Variants in SLCO1C1 observed in about 807,000 individuals in gnomAD.
The protein encoded by SLCO1C1 is OAT-RP-5.
A neutral mutation model predicts 76.4 loss-of-function variants in SLCO1C1; 70 were observed. The ratio of observed to expected loss-of-function variants is 0.92; its 90% CI spans 0.76 to 1.12. The LOEUF (loss-of-function observed/expected upper bound fraction) is 1.12, where lower values mean the gene tolerates loss of function less well. SLCO1C1 is among the 50% of genes most tolerant of loss of function. The pLI, the probability that SLCO1C1 is intolerant of heterozygous loss-of-function variation, is 0.00. For missense variants in SLCO1C1, 912 were observed against 823.8 expected (o/e 1.11, Z -1.31); for synonymous variants, 306 against 286.1 (o/e 1.07, Z -0.70).
At chr12:20,711,265 A>G in intron 4 of SLCO1C1, 121 bp from the exon 5 acceptor site, 3 of 1,129,950 alleles carry the variant, frequency 2.7e-6, no homozygotes, top group Non-Finnish European at 3.7e-6. Flanking sequence ...GATTTGGTGA[A>G]TTAGGTTCAG....
intron 12 of SLCO1C1, among the ~76,000 whole-genome samples, chr12:20,742,937 A>C (rs1592327058): frequency 6.6e-6 from 1 of 152,206 alleles, no homozygotes; most frequent in South Asian, 2.1e-4. Context: ...AAAGCCATAA[A>C]AATTTTTTGG....
intron 9 of SLCO1C1, among the ~76,000 whole-genome samples, chr12:20,731,930 T>C (rs7139248): frequency 0.26 from 39,258 of 152,066 alleles, 5,806 homozygotes; most frequent in African/African-American, 0.39. Flanking sequence ...GTTACCTCAA[T>C]AATGCTATTA....
intron 5 of SLCO1C1, among the ~76,000 whole-genome samples, chr12:20,713,548 C>G (rs1442811339): frequency 6.6e-6 from 1 of 152,166 alleles, no homozygotes; most frequent in African/African-American, 2.4e-5. Flanking sequence ...ATTTCCCTTC[C>G]TTCAGGTGAG....
chr12:20,712,771 G>A (rs1260910401), intron 5 of SLCO1C1, among the ~76,000 whole-genome samples: 1 of 152,066 alleles, frequency 6.6e-6, no homozygotes, highest in Non-Finnish European at 1.5e-5. Context: ...AATGAAGGGA[G>A]GGGCCAAAGG....
chr12:20,723,221 G>A lies in SLCO1C1; in HGVS notation c.1153G>A (p.Gly385Arg). 1.2e-6 allele frequency: 2 copies of A among 1,613,906 alleles called. No homozygotes were observed. Among genetic ancestry groups the A allele is most frequent in the Non-Finnish European group, 1.7e-6 (2 of 1,179,956 alleles). ...ACCAAAGTACATTGAGCAGCAGTAT[G>A]GACAGTCATCCTCCAGGGCCAACTT... ...YKPKYIEQQY[G>R]QSSSRANFVI... is the part of the protein sequence containing the mutation. Residue 385 changes from glycine (G) to arginine (R), a missense_variant, in exon 9 of 15, where the codon GGA (glycine) becomes AGA (arginine). Transcript: ENST00000266509.
At chr12:20,729,184 T>C (rs1948160774) in intron 9 of SLCO1C1, among the ~76,000 whole-genome samples, 1 of 152,086 alleles carries the variant, frequency 6.6e-6, no homozygotes, top group East Asian at 1.9e-4. Context: ...ACATCTTATA[T>C]GATGTGAAGG....
At chr12:20,699,791 G>A in intron 2 of SLCO1C1, 86 bp downstream of exon 2, 4 of 1,280,076 alleles carry the variant, frequency 3.1e-6, no homozygotes, top group African/African-American at 1.6e-5. Flanking sequence ...AATGAGAATT[G>A]TTTTCTCCTT....
intron 1 of SLCO1C1, among the ~76,000 whole-genome samples, chr12:20,696,270 G>T (rs1399722764): frequency 6.6e-6 from 1 of 152,088 alleles, no homozygotes; most frequent in African/African-American, 2.4e-5. Context: ...TAGTTTGTCT[G>T]AAGGGAGGCA....
At chr12:20,704,696 G>A (rs1040060649) in intron 3 of SLCO1C1, among the ~76,000 whole-genome samples, 1 of 146,678 alleles carries the variant, frequency 6.8e-6, no homozygotes, top group Non-Finnish European at 1.5e-5. Context: ...CTGGCAATGT[G>A]CGTGAACAGT....
chr12:20,711,545 T>A (rs751989651), intron 5 of SLCO1C1, 35 bp downstream of exon 5: 2 of 1,600,822 alleles, frequency 1.2e-6, no homozygotes, highest in Admixed American at 3.5e-5. Context: ...TAAACAAGCT[T>A]TTAAAAAAAA....
At chr12:20,724,451 A>ATGTG (rs1376125062) in intron 9 of SLCO1C1, among the ~76,000 whole-genome samples, 188 of 75,348 alleles carry the variant, frequency 2.5e-3, no homozygotes, top group African/African-American at 6.9e-3. Context: ...ATATATATAT[A>ATGTG]TGTGTGTGTG....
rs756332908 is a variant in SLCO1C1, at chr12:20,732,954, G to C, written c.1232G>C (p.Gly411Ala). 6.2e-7 allele frequency: 1 copy of C among 1,613,898 alleles called. No individual in the cohort carries two copies. The highest frequency in any genetic ancestry group is 2.2e-5 in the East Asian group (1 of 44,852). ...GTGGCCCTTGGAATATTCTCTGGGG[G>C]GATAGTTATGAAAAAATTCAGAATC... The part of the protein sequence containing the change: ...PAVALGIFSG[G>A]IVMKKFRISV... Residue 411 changes from glycine (G) to alanine (A), a missense_variant, in exon 10 of 15, where the codon GGG becomes GCG. Physicochemically the swap from Gly to Ala is moderately conservative, Grantham distance 60 (BLOSUM62 0). Transcript: ENST00000266509.
In SLCO1C1 at chr12:20,737,262, GA is replaced by G. The variant is rs1248990770; in HGVS notation, c.1544del (p.Asn515IlefsTer23). On this transcript the variant is annotated frameshift_variant, in exon 11 of 15. Transcript: ENST00000266509. LOFTEE classifies it high-confidence loss of function. Reference protein sequence around the residue: ...LAGCQTSNRSGKNIIFYNCTC... With the variant: ...LAGCQTSNRSXKNIIFYNCTC... ...GGTTGTCAAACCTCCAACAGGAGTG[GA>G]AAAAATATTGTAAGAAATCACCTCT... is the stretch of plus-strand genomic sequence containing the variant. 3.2e-6 allele frequency: 5 copies of G among 1,555,044 alleles called. No homozygotes were observed. The highest frequency in any genetic ancestry group is 3.4e-6 in the Non-Finnish European group (4 of 1,159,642).
intron 3 of SLCO1C1, among the ~76,000 whole-genome samples, chr12:20,701,845 C>G (rs1025882775): frequency 6.6e-6 from 1 of 151,950 alleles, no homozygotes; most frequent in African/African-American, 2.4e-5. Context: ...TGGAATAATC[C>G]AAATGCGCTC....
In SLCO1C1 at chr12:20,710,392, A is replaced by C. The variant is rs1947029717; in HGVS notation, c.405-994A>C. The stretch of plus-strand genomic sequence containing the variant: ...GCCAATGCATATTCCTGTGATTACT[A>C]GCCTTTGGCCAAATAGTGCCTGAAT... On this transcript the variant is annotated intron_variant, in intron 4 of 14. Coordinates refer to ENST00000266509, the MANE Select transcript of SLCO1C1 (RefSeq NM_017435.5). Among the ~76,000 whole-genome samples, 3 of 151,712 alleles carry C rather than the reference A, an allele frequency of 2.0e-5. No individual in the cohort carries two copies. In the South Asian group the frequency reaches 6.2e-4, roughly 32 times the overall value.
intron 9 of SLCO1C1, among the ~76,000 whole-genome samples, chr12:20,731,323 A>T (rs1948252776): frequency 2.0e-5 from 3 of 152,324 alleles, no homozygotes; most frequent in Middle Eastern, 3.4e-3. Flanking sequence ...CAAGCCAAAG[A>T]CCATTGTATG....
At chr12:20,731,454 C>T (rs1053536095) in intron 9 of SLCO1C1, among the ~76,000 whole-genome samples, 2 of 152,186 alleles carry the variant, frequency 1.3e-5, no homozygotes, top group African/African-American at 4.8e-5. Context: ...TCAGTGTTTT[C>T]ATTTTTATTT....
At chr12:20,727,441 T>C (rs1948069823) in intron 9 of SLCO1C1, among the ~76,000 whole-genome samples, 1 of 152,254 alleles carries the variant, frequency 6.6e-6, no homozygotes, top group Non-Finnish European at 1.5e-5. Flanking sequence ...TTTGCATTTC[T>C]GTGATGATTA....
rs542115889 is a variant in SLCO1C1, at chr12:20,743,705, G to C, written c.1798+336G>C. 8.6e-5 allele frequency among the ~76,000 whole-genome samples: 12 copies of C among 139,236 alleles called. No individual in the cohort carries two copies. In the East Asian group the frequency reaches 2.2e-3, roughly 26 times the overall value. 91.3% of individuals were successfully genotyped at this position (139,236 alleles called of 152,430 possible). On this transcript the variant is annotated intron_variant, in intron 13 of 14. Transcript: ENST00000266509. ...CAAGAGAGCTCTCAGAAATTAATAA[G>C]TAAGAAAGGCTGAAGCCTAAATATA...
Sources: gnomAD v4.1 joint callset for allele counts (sites outside exome capture counted in the v4.1 genomes callset) on GRCh38, gnomAD v4.1.1 for gene constraint, MANE v1.5 for transcripts, NCBI Gene and HGNC (gene_info 2026-07-23, HGNC 2026-07-21) for gene names.